Variants in FGD4 observed in about 807,000 individuals in gnomAD.
The protein encoded by FGD4 is FYVE, RhoGEF and PH domain-containing protein 4.
A neutral mutation model predicts 102.0 loss-of-function variants in FGD4; 42 were observed. That is an observed-to-expected ratio of 0.41 (90% CI 0.32 to 0.53). The LOEUF (loss-of-function observed/expected upper bound fraction) is 0.53, where lower values mean the gene tolerates loss of function less well. Ranked by LOEUF, FGD4 falls within the 20% of genes least tolerant of loss-of-function variation. The pLI, the probability that FGD4 is intolerant of heterozygous loss-of-function variation, is 0.21. For synonymous variants in FGD4, 380 were observed against 375.7 expected (o/e 1.01, Z -0.13); for missense variants, 902 against 1,078.2 (o/e 0.84, Z 2.29).
intron 1 of FGD4, among the ~76,000 whole-genome samples, chr12:32,509,757 T>G (rs1939170319): frequency 6.6e-6 from 1 of 152,172 alleles, no homozygotes; most frequent in South Asian, 2.1e-4. Context: ...TCCAGGCCTT[T>G]CAAGGAGCTG....
chr12:32,484,050 T>A (rs1943828300), intron 1 of FGD4, among the ~76,000 whole-genome samples: 1 of 152,198 alleles, frequency 6.6e-6, no homozygotes, highest in African/African-American at 2.4e-5. Flanking sequence ...AAGAGTTAAT[T>A]ATTTGGATGT....
intron 1 of FGD4, among the ~76,000 whole-genome samples, chr12:32,425,205 GTCTTACATTTAAGTTTTTAA>G (rs1262918426): frequency 6.6e-6 from 1 of 152,140 alleles, no homozygotes; most frequent in African/African-American, 2.4e-5. Flanking sequence ...AAGGTTTTAG[GTCTTACATTTAAGTTTTTAA>G]TCCATCTTGA....
In FGD4 at chr12:32,549,425, C is replaced by T. The variant is rs144492842; in HGVS notation, c.167-14712C>T. ...TTATCTAGGATCTTATTGAGTGCTT[C>T]CCCCTCGTCCTTCCATCCGAATCAC... On this transcript the variant is annotated intron_variant, in intron 1 of 16. Transcript: ENST00000534526. Among the ~76,000 whole-genome samples, 3 of 152,226 alleles carry T rather than the reference C, an allele frequency of 2.0e-5. No individual in the cohort carries two copies. The East Asian group carries it at 5.8e-4, about 29-fold the overall frequency.
At position 32,399,765 on chromosome 12, in the gene FGD4, G is replaced by T. The variant is rs1591828848; in HGVS notation, c.-29G>T. ...TCGCGGCTGGACGGGAGCGGGAGGAGTCGGGGAGCGGCGGTCGAGCCCGGC... is the reference window on the plus strand; with the variant it reads ...TCGCGGCTGGACGGGAGCGGGAGGATTCGGGGAGCGGCGGTCGAGCCCGGC... On this transcript the variant is annotated 5_prime_UTR_variant, in exon 1 of 17. Transcript: ENST00000534526. The T allele has an allele frequency of 6.5e-7, 1 of 1,527,190 alleles. No individual in the cohort carries two copies. The highest frequency in any genetic ancestry group is 1.4e-5 in the African/African-American group (1 of 71,524). The allele number at this position is 1,527,190 out of a possible 1,614,324, so 94.6% of individuals were successfully genotyped here.
chr12:32,443,534 G>GTTTTT (rs1178483915), intron 1 of FGD4, among the ~76,000 whole-genome samples: 4 of 118,360 alleles, frequency 3.4e-5, no homozygotes, highest in Non-Finnish European at 5.3e-5. Flanking sequence ...TGTGTTTTAG[G>GTTTTT]TTTTTTTTTT....
chr12:32,496,301 G>A (rs376556239), intron 1 of FGD4, among the ~76,000 whole-genome samples: 1 of 152,192 alleles, frequency 6.6e-6, no homozygotes, highest in East Asian at 1.9e-4. Context: ...TTTTATTCTG[G>A]CCTGATCTCA....
intron 15 of FGD4, among the ~76,000 whole-genome samples, chr12:32,636,670 TTAC>T (rs1420149805): frequency 1.3e-5 from 2 of 150,784 alleles, no homozygotes; most frequent in African/African-American, 4.9e-5. Flanking sequence ...AGTTTAATAC[TTAC>T]TCCTACTTTG....
At chr12:32,603,727 G>T (rs1314050246) in intron 7 of FGD4, among the ~76,000 whole-genome samples, 1 of 150,676 alleles carries the variant, frequency 6.6e-6, no homozygotes, top group Non-Finnish European at 1.5e-5. Flanking sequence ...TTAGAGACAG[G>T]GTCTTGCTCT....
At chr12:32,569,723 C>T (rs1406438871) in intron 2 of FGD4, among the ~76,000 whole-genome samples, 1 of 152,074 alleles carries the variant, frequency 6.6e-6, no homozygotes, top group East Asian at 1.9e-4. Flanking sequence ...TTCCTTTGCT[C>T]ATTGATAGGC....
chr12:32,482,481 TA>T (rs1400673297), intron 1 of FGD4, among the ~76,000 whole-genome samples: 1 of 152,242 alleles, frequency 6.6e-6, no homozygotes, highest in African/African-American at 2.4e-5. Flanking sequence ...AAGTTACACA[TA>T]TGTTCTTCTC....
chr12:32,643,383 A>G lies in FGD4; in HGVS notation c.*2850A>G, dbSNP rs1017860261. The G allele has an allele frequency of 4.6e-5, 7 of 152,484 alleles. No individual in the cohort carries two copies. Among genetic ancestry groups the G allele is most frequent in the African/African-American group, 1.7e-4 (7 of 41,452 alleles). The allele number at this position is 152,484 out of a possible 1,614,324, so 9.4% of individuals were successfully genotyped here. A position where few individuals can be genotyped will look rare whatever the true frequency, so the allele number is the denominator to read the frequency against. On this transcript the variant is annotated 3_prime_UTR_variant, in exon 17 of 17. Transcript: ENST00000534526. Reference sequence around the variant, plus strand: ...ATATAGATAATTATTAACTTTCTAGATGTGATACGGTAATTCGAATTGCAG... The same window carrying G: ...ATATAGATAATTATTAACTTTCTAGGTGTGATACGGTAATTCGAATTGCAG...
In FGD4 at chr12:32,604,992, G is replaced by A. The variant is rs532020891; in HGVS notation, c.1404+2675G>A. 3.2e-3 allele frequency among the ~76,000 whole-genome samples: 446 copies of A among 139,242 alleles called. 2 individuals carry two copies. Among genetic ancestry groups the A allele is most frequent in the African/African-American group, 0.012 (427 of 34,698 alleles). 91.3% of individuals were successfully genotyped at this position (139,242 alleles called of 152,430 possible). A position where few individuals can be genotyped will look rare whatever the true frequency, so the allele number is the denominator to read the frequency against. On this transcript the variant is annotated intron_variant, in intron 7 of 16. Coordinates refer to ENST00000534526, the MANE Select transcript of FGD4 (RefSeq NM_001370298.3). ...CTTGCTCTGTCACCCAGGCTGGAGT[G>A]CAGTGGTATGATCTCGGCTCACTGT...
At chr12:32,505,477 C>T (rs982535100) in intron 1 of FGD4, among the ~76,000 whole-genome samples, 1 of 152,176 alleles carries the variant, frequency 6.6e-6, no homozygotes, top group African/African-American at 2.4e-5. Context: ...TCTGAGTTGT[C>T]ATCGTCTTCT....
chr12:32,590,073 C>T (rs552453934), intron 4 of FGD4, among the ~76,000 whole-genome samples: 19 of 151,900 alleles, frequency 1.3e-4, no homozygotes, highest in Admixed American at 5.2e-4. Context: ...TTTGGGAGGC[C>T]GAGACAGGTG....
chr12:32,594,343 T>C (rs922040731), intron 4 of FGD4, among the ~76,000 whole-genome samples: 1 of 152,142 alleles, frequency 6.6e-6, no homozygotes, highest in Non-Finnish European at 1.5e-5. Flanking sequence ...AGTTGCATGC[T>C]CCTTATGAGA....
At chr12:32,448,936 C>T (rs371694511) in intron 1 of FGD4, among the ~76,000 whole-genome samples, 6 of 152,136 alleles carry the variant, frequency 3.9e-5, no homozygotes, top group Admixed American at 6.5e-5. Flanking sequence ...ATAAAACCTT[C>T]GTTCCACTAA....
rs556976011 is a variant in FGD4, at chr12:32,524,198, C to T, written c.167-39939C>T. On this transcript the variant is annotated intron_variant, in intron 1 of 16. Coordinates refer to ENST00000534526, the MANE Select transcript of FGD4 (RefSeq NM_001370298.3). ...AATCACGAGGTCAGGAGATCGAGAC[C>T]ATCCTGGCTAACACGGTGAAACCCC... is the stretch of plus-strand genomic sequence containing the variant. Among the ~76,000 whole-genome samples, 507 of 150,956 alleles carry T rather than the reference C, an allele frequency of 3.4e-3. 1 individual carries two copies. The highest frequency in any genetic ancestry group is 5.3e-3 in the Non-Finnish European group (358 of 67,756).
At chr12:32,571,526 C>T (rs1392101050) in intron 2 of FGD4, among the ~76,000 whole-genome samples, 3 of 151,632 alleles carry the variant, frequency 2.0e-5, no homozygotes, top group African/African-American at 7.3e-5. Context: ...TGAGCTGAAA[C>T]AAAGATGAGA....
rs1416578065 is a variant in FGD4, at chr12:32,564,266, C to G, written c.296C>G (p.Ser99Ter). The change falls in exon 2 of 17, where the codon TCA (serine) becomes TGA (stop). Residue 99 changes from serine (S) to a stop codon, truncating the protein, a stop_gained. Coordinates refer to ENST00000534526, the MANE Select transcript of FGD4 (RefSeq NM_001370298.3). LOFTEE classifies it high-confidence loss of function. ...AATGGGAACAGGCCAGCAAAACACT[C>G]AGCTGCAAGTCCAAAGCCACAAGGT... ...GINGNRPAKH[S>*]AASPKPQVPP... 6.5e-7 allele frequency: 1 copy of G among 1,535,936 alleles called. No homozygotes were observed. Among genetic ancestry groups the G allele is most frequent in the Non-Finnish European group, 8.7e-7 (1 of 1,146,882 alleles).
Sources: gnomAD v4.1 joint callset for allele counts (sites outside exome capture counted in the v4.1 genomes callset) on GRCh38, gnomAD v4.1.1 for gene constraint, MANE v1.5 for transcripts, NCBI Gene and HGNC (gene_info 2026-07-23, HGNC 2026-07-21) for gene names.